Variants in AVL9 observed in about 807,000 individuals in gnomAD.
AVL9 encodes late secretory pathway protein AVL9 homolog.
AVL9 carries 49 observed loss-of-function variants against 79.2 expected under a neutral mutation model. The ratio of observed to expected loss-of-function variants is 0.62; its 90% CI spans 0.49 to 0.79. AVL9 has a LOEUF of 0.79. Among genes scored for constraint, AVL9 ranks in the 30% least tolerant of loss-of-function variants. AVL9 has a pLI of 0.00. For synonymous variants in AVL9, 299 were observed against 280.6 expected, an observed-to-expected ratio of 1.07 and a Z score of -0.65; for missense variants, 682 against 776.8, an observed-to-expected ratio of 0.88 and a Z score of 1.45.
chr7:32,524,966 T>C (rs574007060), intron 1 of AVL9, among the ~76,000 whole-genome samples: 11 of 152,300 alleles, frequency 7.2e-5, no homozygotes, highest in Non-Finnish European at 1.3e-4. Context: ...GCTACCTGGA[T>C]GTTCAAGGAG....
rs751926756 is a variant in AVL9, at chr7:32,584,962, G to C, written c.*1055G>C. Reference sequence around the variant, plus strand: ...TTATTGTATTTTTAGTAGAGACGGGGTTTTGCCATGTTGGCCAGGCTGGTC... The same window carrying C: ...TTATTGTATTTTTAGTAGAGACGGGCTTTTGCCATGTTGGCCAGGCTGGTC... On this transcript the variant is annotated 3_prime_UTR_variant, in exon 16 of 16. Transcript: ENST00000318709. 2 of 151,914 alleles carry C rather than the reference G, an allele frequency of 1.3e-5. No individual in the cohort carries two copies. Among genetic ancestry groups the C allele is most frequent in the African/African-American group, 2.4e-5 (1 of 41,328 alleles). The allele number at this position is 151,914 out of a possible 1,614,324, so 9.4% of individuals were successfully genotyped here. A position where few individuals can be genotyped will look rare whatever the true frequency, so the allele number is the denominator to read the frequency against.
intron 6 of AVL9, among the ~76,000 whole-genome samples, chr7:32,553,177 A>G (rs936530672): frequency 5.8e-4 from 88 of 152,262 alleles, no homozygotes; most frequent in African/African-American, 2.1e-3. Context: ...ATTTTTGTCT[A>G]AATTATTTTC....
chr7:32,527,933 TG>T (rs1788474433), intron 1 of AVL9, among the ~76,000 whole-genome samples: 1 of 152,136 alleles, frequency 6.6e-6, no homozygotes, highest in Middle Eastern at 3.2e-3. Flanking sequence ...ATAGGGGAGT[TG>T]GGGTAGGACA....
intron 1 of AVL9, among the ~76,000 whole-genome samples, chr7:32,527,774 GA>G (rs1285006426): frequency 6.6e-6 from 1 of 152,188 alleles, no homozygotes; most frequent in Admixed American, 6.5e-5. Context: ...ATCTTGGCCA[GA>G]AGTGAGAGAA....
intron 7 of AVL9, 87 bp from the exon 8 acceptor site, chr7:32,554,471 G>C: frequency 1.3e-6 from 1 of 789,068 alleles, no homozygotes; most frequent in South Asian, 2.0e-5. Context: ...TAGTATTACT[G>C]ATTATGGTTA....
At chr7:32,502,797 G>A (rs1037084349) in intron 1 of AVL9, among the ~76,000 whole-genome samples, 4 of 152,202 alleles carry the variant, frequency 2.6e-5, no homozygotes, top group Non-Finnish European at 4.4e-5. Context: ...GGCATTCTCC[G>A]TTTAACATAG....
intron 1 of AVL9, among the ~76,000 whole-genome samples, chr7:32,498,891 C>T (rs1233841950): frequency 1.4e-5 from 2 of 147,676 alleles, no homozygotes; most frequent in Non-Finnish European, 3.0e-5. Flanking sequence ...TGGCCGGGTG[C>T]AGTAGCTCAT....
intron 1 of AVL9, among the ~76,000 whole-genome samples, chr7:32,498,141 C>T (rs1020140783): frequency 6.6e-6 from 1 of 151,670 alleles, no homozygotes; most frequent in Admixed American, 6.6e-5. Flanking sequence ...TAAAAGCCAT[C>T]TTCTAATACT....
chr7:32,549,931 G>GAA (rs1411610795), intron 4 of AVL9, among the ~76,000 whole-genome samples: 462 of 27,146 alleles, frequency 0.017, 3 homozygotes, highest in Middle Eastern at 0.071. Context: ...AAAAAAAAAA[G>GAA]AAAGAAAGAA....
At chr7:32,578,560 C>T (rs1168364942) in intron 13 of AVL9, among the ~76,000 whole-genome samples, 4 of 152,134 alleles carry the variant, frequency 2.6e-5, no homozygotes, top group Admixed American at 2.0e-4. Context: ...GTAATTCTAG[C>T]ACTTTGGGAG....
chr7:32,551,378 T>A lies in AVL9; in HGVS notation c.417T>A (p.His139Gln), dbSNP rs377011753. 5.0e-6 allele frequency: 8 copies of A among 1,611,814 alleles called. No homozygotes were observed. The highest frequency in any genetic ancestry group is 1.3e-5 in the African/African-American group (1 of 74,848). ...AAGCAAAACTTCAACTCATTACACA[T>A]GCATATTTTGAAGAGAAGGATTTTT... The part of the protein sequence containing the change: ...LLQAKLQLIT[H>Q]AYFEEKDFSQ... Residue 139 changes from histidine (H) to glutamine (Q), a missense_variant, in exon 5 of 16, where the codon CAT becomes CAA. His to Gln is a conservative substitution (Grantham distance 24). Coordinates refer to ENST00000318709, the MANE Select transcript of AVL9 (RefSeq NM_015060.3).
chr7:32,580,140 C>T (rs1791435567), intron 13 of AVL9, 79 bp from the exon 14 acceptor site: 1 of 1,137,542 alleles, frequency 8.8e-7, no homozygotes, highest in African/African-American at 1.5e-5. Context: ...GAGAAGTTTA[C>T]TAATATTTTC....
At chr7:32,546,085 A>ATTT (rs1562779099) in intron 3 of AVL9, among the ~76,000 whole-genome samples, 1 of 30,962 alleles carries the variant, frequency 3.2e-5, no homozygotes, top group African/African-American at 8.3e-5. Flanking sequence ...TTTTTTTTTA[A>ATTT]ATATCTGTAC....
intron 1 of AVL9, among the ~76,000 whole-genome samples, chr7:32,522,583 C>T (rs10276207): frequency 0.5 from 76,047 of 151,902 alleles, 19,442 homozygotes; most frequent in East Asian, 0.67. Context: ...GGCCCATAGG[C>T]GGAAGAGACT....
At chr7:32,548,151 C>CTTTTTTTTTTTTTTTTTTTTT (rs1554340933) in intron 3 of AVL9, among the ~76,000 whole-genome samples, 1 of 131,594 alleles carries the variant, frequency 7.6e-6, no homozygotes, top group Non-Finnish European at 1.6e-5. Flanking sequence ...TCTCTTTTTT[C>CTTTTTTTTTTTTTTTTTTTTT]TTTTTTTTTT....
At chr7:32,579,965 T>C (rs6462382) in intron 13 of AVL9, among the ~76,000 whole-genome samples, 146,837 of 151,548 alleles carry the variant, frequency 0.97, 71,158 homozygotes, top group East Asian at 1. Flanking sequence ...AAACAGGCTA[T>C]ACACACACAA....
At chr7:32,549,224 T>C (rs1442889728) in intron 4 of AVL9, among the ~76,000 whole-genome samples, 1 of 141,396 alleles carries the variant, frequency 7.1e-6, no homozygotes, top group East Asian at 2.0e-4. Context: ...TATATATATA[T>C]ATATAATTTT....
At chr7:32,523,436 ATGGTC>A (rs941317317) in intron 1 of AVL9, among the ~76,000 whole-genome samples, 4 of 151,540 alleles carry the variant, frequency 2.6e-5, no homozygotes, top group African/African-American at 7.2e-5. Context: ...GTAAGGTAAA[ATGGTC>A]TGGGGGTAGA....
chr7:32,533,717 G>GA (rs1460014520), intron 1 of AVL9: 4 of 152,246 alleles, frequency 2.6e-5, no homozygotes, highest in East Asian at 3.9e-4. Flanking sequence ...TGAGTGAAAA[G>GA]AAAAAATCTC....
Sources: gnomAD v4.1 joint callset for allele counts (sites outside exome capture counted in the v4.1 genomes callset) on GRCh38, gnomAD v4.1.1 for gene constraint, MANE v1.5 for transcripts, NCBI Gene and HGNC (gene_info 2026-07-23, HGNC 2026-07-21) for gene names.